The following RNF216 variants were observed in gnomAD, a reference collection of about 807,000 sequenced individuals.
RNF216 encodes E3 ubiquitin-protein ligase RNF216.
In RNF216, 72 loss-of-function variants were observed where a neutral mutation model predicts 110.8. The ratio of observed to expected loss-of-function variants is 0.65; its 90% CI spans 0.54 to 0.79. RNF216 has a LOEUF of 0.79. Among genes scored for constraint, RNF216 ranks in the 30% least tolerant of loss-of-function variants. The pLI, the probability that RNF216 is intolerant of heterozygous loss-of-function variation, is 0.00. For missense variants in RNF216, 1,342 were observed against 1,141.2 expected, an observed-to-expected ratio of 1.18 and a Z score of -2.54; for synonymous variants, 495 against 407.5, an observed-to-expected ratio of 1.21 and a Z score of -2.59.
At chr7:5,666,434 T>C (rs1235314673) in intron 13 of RNF216, among the ~76,000 whole-genome samples, 4 of 152,124 alleles carry the variant, frequency 2.6e-5, no homozygotes, top group African/African-American at 9.7e-5. Context: ...TCTGGTGCTA[T>C]CTGGGGGAAA....
intron 1 of RNF216, among the ~76,000 whole-genome samples, chr7:5,778,189 T>C (rs552795299): frequency 2.0e-5 from 3 of 152,350 alleles, no homozygotes; most frequent in Non-Finnish European, 4.4e-5. Flanking sequence ...TAGCGGGCCT[T>C]ACCTCATACC....
At chr7:5,638,785 GCAC>G (rs1000693576) in intron 15 of RNF216, among the ~76,000 whole-genome samples, 2 of 151,836 alleles carry the variant, frequency 1.3e-5, no homozygotes, top group African/African-American at 2.4e-5. Flanking sequence ...CTACAGGTGA[GCAC>G]CACATCTGGC....
intron 1 of RNF216, among the ~76,000 whole-genome samples, chr7:5,773,940 G>T (rs1439924103): frequency 6.6e-6 from 1 of 152,180 alleles, no homozygotes; most frequent in Non-Finnish European, 1.5e-5. Flanking sequence ...AAAGGGAGAT[G>T]TGAGTCATTT....
In RNF216 at chr7:5,622,881, G is replaced by A. The variant is rs775706269; in HGVS notation, c.2751C>T (p.Pro917=). 7.5e-6 allele frequency: 12 copies of A among 1,603,770 alleles called. 1 individual carries two copies. The South Asian group carries it at 9.9e-5, about 13-fold the overall frequency. ...GCCATCAGAAGCGATGCCGCGGCTGGGGGCCAAAGTGCATGGGCAGGTTGT... is the reference window on the plus strand; with the variant it reads ...GCCATCAGAAGCGATGCCGCGGCTGAGGGCCAAAGTGCATGGGCAGGTTGT... The part of the protein sequence containing the change: ...LEHNLPMHFG[P]QPRHRF Residue 917 remains proline (P), a synonymous_variant, in exon 17 of 17, where the codon CCC becomes CCT. Coordinates refer to ENST00000389902, the MANE Select transcript of RNF216 (RefSeq NM_207111.4).
chr7:5,765,527 A>C (rs972200783), intron 1 of RNF216, among the ~76,000 whole-genome samples: 1 of 151,516 alleles, frequency 6.6e-6, no homozygotes, highest in Non-Finnish European at 1.5e-5. Flanking sequence ...CTACTCAGGA[A>C]GCTGAAGCAG....
intron 14 of RNF216, among the ~76,000 whole-genome samples, chr7:5,645,104 C>T (rs998483235): frequency 1.3e-5 from 2 of 152,036 alleles, no homozygotes; most frequent in African/African-American, 2.4e-5. Context: ...CATGAGCCAC[C>T]GTGCCCCGCC....
At chr7:5,654,342 T>G (rs1328045428) in intron 13 of RNF216, among the ~76,000 whole-genome samples, 1 of 152,024 alleles carries the variant, frequency 6.6e-6, no homozygotes, top group African/African-American at 2.4e-5. Flanking sequence ...AACAGAATGC[T>G]GAGGGAGCTG....
In RNF216 at chr7:5,641,311, G is replaced by C; in HGVS notation, c.2225C>G (p.Ser742Cys). The change falls in exon 15 of 17, where the codon TCT (serine) becomes TGT (cysteine). Residue 742 changes from serine (S) to cysteine (C), a missense_variant. Ser to Cys is a moderately radical substitution (Grantham distance 112, BLOSUM62 -1). Coordinates refer to ENST00000389902, the MANE Select transcript of RNF216 (RefSeq NM_207111.4). ...GCAAGACATGCGGTTGCAGCCTTCAGATTTGATGAGGCCAGTCCCACACTT... is the reference window on the plus strand; with the variant it reads ...GCAAGACATGCGGTTGCAGCCTTCACATTTGATGAGGCCAGTCCCACACTT... ...CHKCGTGLIK[S>C]EGCNRMSCRC... 1 of 1,614,166 alleles carries C rather than the reference G, an allele frequency of 6.2e-7. No homozygotes were observed. The highest frequency in any genetic ancestry group is 8.5e-7 in the Non-Finnish European group (1 of 1,180,036).
At chr7:5,739,984 C>G (rs998940639) in intron 4 of RNF216, among the ~76,000 whole-genome samples, 1 of 140,456 alleles carries the variant, frequency 7.1e-6, no homozygotes, top group Admixed American at 7.4e-5. Context: ...GCCTGGGTGA[C>G]AGAGTGAGAC....
intron 13 of RNF216, among the ~76,000 whole-genome samples, chr7:5,683,703 G>A (rs757744264): frequency 1.3e-5 from 2 of 152,148 alleles, no homozygotes; most frequent in Non-Finnish European, 2.9e-5. Flanking sequence ...TCCTCTCAGG[G>A]TTACTGTGAG....
chr7:5,723,179 A>G (rs1793541939), intron 8 of RNF216, among the ~76,000 whole-genome samples: 1 of 152,226 alleles, frequency 6.6e-6, no homozygotes, highest in Non-Finnish European at 1.5e-5. Flanking sequence ...TTAATCCATT[A>G]AAGCACTTAG....
At position 5,623,134 on chromosome 7, in the gene RNF216, T is replaced by A; in HGVS notation, c.2498A>T (p.Glu833Val). 6.3e-7 allele frequency: 1 copy of A among 1,592,720 alleles called. No homozygotes were observed. The highest frequency in any genetic ancestry group is 1.1e-5 in the South Asian group (1 of 89,452). Residue 833 changes from glutamate to valine, a missense_variant, in exon 17 of 17, where the codon GAG (glutamate) becomes GTG (valine). Glu to Val is a moderately radical substitution (Grantham distance 121). Coordinates refer to ENST00000389902, the MANE Select transcript of RNF216 (RefSeq NM_207111.4). Reference protein sequence around the residue: ...RIGPPLEKPVEKVQRVEALPR... With the variant: ...RIGPPLEKPVVKVQRVEALPR... ...GAGGGCCTCCACCCTCTGCACCTTC[T>A]CCACAGGCTTCTCCAGCGGGGGTCC... is the stretch of plus-strand genomic sequence containing the variant.
In RNF216 at chr7:5,622,742, C is replaced by T. The variant is rs531134005; in HGVS notation, c.*118G>A. 2 of 1,033,474 alleles carry T rather than the reference C, an allele frequency of 1.9e-6. No homozygotes were observed. Among genetic ancestry groups the T allele is most frequent in the South Asian group, 1.7e-5 (1 of 60,556 alleles). 64.0% of individuals were successfully genotyped at this position (1,033,474 alleles called of 1,614,324 possible). On this transcript the variant is annotated 3_prime_UTR_variant, in exon 17 of 17. Coordinates refer to ENST00000389902, the MANE Select transcript of RNF216 (RefSeq NM_207111.4). ...AGGAAAGGGGTGGGAAGAAAACCAG[C>T]CTACCCTTCAAGCTGACTTAGGATG...
intron 5 of RNF216, among the ~76,000 whole-genome samples, chr7:5,735,303 C>G (rs1170038105): frequency 1.3e-5 from 2 of 151,990 alleles, no homozygotes; most frequent in Non-Finnish European, 2.9e-5. Flanking sequence ...AAGATATGAG[C>G]TTAGAGTCAA....
chr7:5,642,042 AAAAG>A (rs1188822338), intron 14 of RNF216, among the ~76,000 whole-genome samples: 7 of 146,970 alleles, frequency 4.8e-5, no homozygotes, highest in East Asian at 2.0e-4. Context: ...TAAAAAAAAA[AAAAG>A]AAAAAAAAAA....
At chr7:5,659,942 AC>A (rs1788993699) in intron 13 of RNF216, among the ~76,000 whole-genome samples, 1 of 141,694 alleles carries the variant, frequency 7.1e-6, no homozygotes, top group South Asian at 2.2e-4. Context: ...TATTTTAATT[AC>A]ATTCATTAAT....
intron 15 of RNF216, among the ~76,000 whole-genome samples, chr7:5,631,869 G>A (rs3823680): frequency 0.055 from 8,416 of 152,238 alleles, 311 homozygotes; most frequent in African/African-American, 0.095. Context: ...CATTGTAGAA[G>A]GTCACGCTCT....
At chr7:5,715,791 G>C (rs1326004487) in intron 10 of RNF216, among the ~76,000 whole-genome samples, 2 of 147,768 alleles carry the variant, frequency 1.4e-5, no homozygotes, top group East Asian at 2.0e-4. Flanking sequence ...GCCCGAACTG[G>C]AGTGCAGTGG....
At chr7:5,747,565 T>C (rs1045550309) in intron 3 of RNF216, among the ~76,000 whole-genome samples, 2 of 151,778 alleles carry the variant, frequency 1.3e-5, no homozygotes, top group African/African-American at 2.4e-5. Flanking sequence ...CTAAGACAGA[T>C]CCTAAGGTTT....
Sources: gnomAD v4.1 joint callset for allele counts (sites outside exome capture counted in the v4.1 genomes callset) on GRCh38, gnomAD v4.1.1 for gene constraint, MANE v1.5 for transcripts, NCBI Gene and HGNC (gene_info 2026-07-23, HGNC 2026-07-21) for gene names.